The following ADAMTSL1 variants were observed in gnomAD, a reference collection of about 807,000 sequenced individuals.
ADAMTSL1 encodes ADAMTS like 1.
In ADAMTSL1, 126 loss-of-function variants were observed where a neutral mutation model predicts 201.8. The ratio of observed to expected loss-of-function variants is 0.62; its 90% confidence interval spans 0.54 to 0.72. The LOEUF (loss-of-function observed/expected upper bound fraction) is 0.72, where lower values mean the gene tolerates loss of function less well. Among genes scored for constraint, ADAMTSL1 ranks in the 30% least tolerant of loss-of-function variants. The probability of loss-of-function intolerance (pLI) is 0.00; values close to 1 mark genes in which losing one functional copy is unlikely to be tolerated. For synonymous variants in ADAMTSL1, 1,121 were observed against 903.4 expected (o/e 1.24, Z -4.32); for missense variants, 2,679 against 2,277.8 (o/e 1.18, Z -3.59).
chr9:18,328,624 A>G (rs1322377974), intron 2 of ADAMTSL1, among the ~76,000 whole-genome samples: 1 of 152,218 alleles, frequency 6.6e-6, no homozygotes, highest in East Asian at 1.9e-4. Context: ...CTGGCACTAA[A>G]AGATCATGCC....
chr9:18,828,677 TATATATATATATATATAA>T lies in ADAMTSL1; in HGVS notation c.4115-1164_4115-1147del, dbSNP rs1372139773. ...AAGTATATTTATATATATATATATA[TATATATATATATATATAA>T]AATGTGTGTGTGTGTATATATATAT... On this transcript the variant is annotated intron_variant, in intron 22 of 28. Transcript: ENST00000380548. 1.2e-4 allele frequency among the ~76,000 whole-genome samples: 12 copies of T among 103,176 alleles called. 2 individuals are homozygous for T. Among genetic ancestry groups the T allele is most frequent in the East Asian group, 5.7e-4 (2 of 3,528 alleles). The allele number at this position is 103,176 out of a possible 152,430, so 67.7% of individuals were successfully genotyped here. A position where few individuals can be genotyped will look rare whatever the true frequency, so the allele number is the denominator to read the frequency against.
intron 1 of ADAMTSL1, among the ~76,000 whole-genome samples, chr9:17,977,564 T>C (rs1412069262): frequency 2.0e-5 from 3 of 152,098 alleles, no homozygotes; most frequent in Non-Finnish European, 2.9e-5. Flanking sequence ...TTTTATAGGT[T>C]ATTAAATTTG....
At chr9:18,430,645 A>G (rs1345275145) in intron 2 of ADAMTSL1, among the ~76,000 whole-genome samples, 2 of 152,210 alleles carry the variant, frequency 1.3e-5, no homozygotes, top group East Asian at 1.9e-4. Flanking sequence ...TCACACAACT[A>G]AAAGAGGCTT....
At chr9:18,886,193 T>TAC (rs2071528848) in intron 23 of ADAMTSL1, among the ~76,000 whole-genome samples, 1 of 130,850 alleles carries the variant, frequency 7.6e-6, no homozygotes, top group South Asian at 2.5e-4. Flanking sequence ...TATATATATA[T>TAC]ATATATATAT....
At chr9:17,982,368 A>T (rs1392811361) in intron 1 of ADAMTSL1, among the ~76,000 whole-genome samples, 1 of 152,152 alleles carries the variant, frequency 6.6e-6, no homozygotes, top group Non-Finnish European at 1.5e-5. Context: ...TAATCCCAGC[A>T]CTTTGGGAGG....
intron 2 of ADAMTSL1, among the ~76,000 whole-genome samples, chr9:18,257,643 C>T (rs950737493): frequency 1.3e-5 from 2 of 152,120 alleles, no homozygotes; most frequent in Non-Finnish European, 2.9e-5. Flanking sequence ...AAGTTAAGCA[C>T]AGAATTACTT....
intron 1 of ADAMTSL1, among the ~76,000 whole-genome samples, chr9:17,966,419 G>T (rs1450791975): frequency 1.3e-5 from 2 of 152,114 alleles, no homozygotes; most frequent in African/African-American, 4.8e-5. Flanking sequence ...ACTTTGCTAC[G>T]CACTCAGAAG....
chr9:18,048,024 T>A (rs1353615313), intron 1 of ADAMTSL1, among the ~76,000 whole-genome samples: 1 of 152,172 alleles, frequency 6.6e-6, no homozygotes, highest in Non-Finnish European at 1.5e-5. Flanking sequence ...CACTTAACTG[T>A]CAGAATTGCC....
intron 11 of ADAMTSL1, 115 bp from the exon 12 acceptor site, chr9:18,681,697 T>TGTTG: frequency 4.2e-6 from 1 of 238,092 alleles, no homozygotes. Context: ...AGTCCTCGTG[T>TGTTG]GGGGGGGGGG....
chr9:18,603,354 TGC>T, intron 4 of ADAMTSL1, among the ~76,000 whole-genome samples: 1 of 113,110 alleles, frequency 8.8e-6, no homozygotes, highest in South Asian at 2.5e-4. Context: ...TGCTATGCTA[TGC>T]TATGCTATGC....
intron 2 of ADAMTSL1, among the ~76,000 whole-genome samples, chr9:18,286,819 C>A (rs948847476): frequency 6.6e-6 from 1 of 152,128 alleles, no homozygotes; most frequent in Non-Finnish European, 1.5e-5. Flanking sequence ...ATTCACTAGA[C>A]TAATTCACAG....
At chr9:18,455,938 AC>A (rs1394965701) in intron 2 of ADAMTSL1, among the ~76,000 whole-genome samples, 1 of 152,180 alleles carries the variant, frequency 6.6e-6, no homozygotes, top group Admixed American at 6.6e-5. Context: ...TGTTTTGGAT[AC>A]TTTCTAATCC....
chr9:17,975,106 A>G (rs1002022942), intron 1 of ADAMTSL1, among the ~76,000 whole-genome samples: 1 of 152,088 alleles, frequency 6.6e-6, no homozygotes, highest in Non-Finnish European at 1.5e-5. Context: ...CGTATTTCAC[A>G]GAAAGTCGTG....
chr9:18,198,502 GA>G (rs1348118389), intron 2 of ADAMTSL1, among the ~76,000 whole-genome samples: 1 of 149,132 alleles, frequency 6.7e-6, no homozygotes, highest in African/African-American at 2.5e-5. Context: ...AAAAACACAT[GA>G]AAAAATGCTC....
intron 3 of ADAMTSL1, among the ~76,000 whole-genome samples, chr9:18,572,792 G>C (rs1177330361): frequency 1.3e-5 from 2 of 152,146 alleles, no homozygotes; most frequent in African/African-American, 4.8e-5. Context: ...CCTTATATAA[G>C]AGAACTCTCA....
chr9:18,191,812 T>C (rs1334191918), intron 2 of ADAMTSL1, among the ~76,000 whole-genome samples: 1 of 152,194 alleles, frequency 6.6e-6, no homozygotes, highest in Non-Finnish European at 1.5e-5. Flanking sequence ...TCTCAAAATA[T>C]TTTGTTATGC....
At chr9:17,923,184 G>C (rs938900579) in intron 1 of ADAMTSL1, among the ~76,000 whole-genome samples, 3 of 151,344 alleles carry the variant, frequency 2.0e-5, no homozygotes, top group Admixed American at 6.6e-5. Context: ...GAAGAAAGTC[G>C]TTGGTAGCTT....
chr9:18,087,518 T>C (rs1237366045), intron 1 of ADAMTSL1, among the ~76,000 whole-genome samples: 1 of 152,136 alleles, frequency 6.6e-6, no homozygotes, highest in Non-Finnish European at 1.5e-5. Flanking sequence ...AATCTCTTCA[T>C]AAAATGTACT....
chr9:18,075,385 C>T (rs536105288), intron 1 of ADAMTSL1, among the ~76,000 whole-genome samples: 1 of 152,248 alleles, frequency 6.6e-6, no homozygotes, highest in African/African-American at 2.4e-5. Context: ...GAAAAAAGCC[C>T]TGGTAGTTTA....
Sources: allele counts gnomAD v4.1 joint callset (sites outside exome capture counted in the v4.1 genomes callset), GRCh38; gene constraint gnomAD v4.1.1; transcripts MANE v1.5; gene names NCBI Gene and HGNC (gene_info 2026-07-23, HGNC 2026-07-21).